The following SHANK2 variants were observed in gnomAD, a reference collection of about 807,000 sequenced individuals.
SHANK2 encodes the protein SH3 and multiple ankyrin repeat domains protein 2.
SHANK2 carries 43 observed loss-of-function variants against 133.7 expected under a neutral mutation model. That is an observed-to-expected ratio of 0.32 (90% CI 0.25 to 0.41). The LOEUF (loss-of-function observed/expected upper bound fraction) is 0.41. Among genes scored for constraint, SHANK2 ranks in the 10% least tolerant of loss-of-function variants. The pLI is 1.00. For synonymous variants in SHANK2, 1,017 were observed against 952.8 expected, an observed-to-expected ratio of 1.07 and a Z score of -1.24; for missense variants, 1,994 against 2,235.8, an observed-to-expected ratio of 0.89 and a Z score of 2.18.
rs569730886 is a variant in SHANK2 at position 70,846,058 on chromosome 11, C to T, written c.1175-25376G>A. Among the ~76,000 whole-genome samples the T allele has an allele frequency of 1.1e-4, 17 of 152,214 alleles. No homozygotes were observed. The South Asian group carries it at 2.9e-3, about 26-fold the overall frequency. ...AGCCCAGAGAGACCTGAACTGGGTC[C>T]CTGGGAAAGCGGAAGGGCAGAAAAG... is the stretch of plus-strand genomic sequence containing the variant. On this transcript the variant is annotated intron_variant, in intron 11 of 25. Coordinates refer to ENST00000601538, the MANE Select transcript of SHANK2 (RefSeq NM_012309.5).
At chr11:70,646,002 G>A (rs2061254917) in intron 17 of SHANK2, among the ~76,000 whole-genome samples, 2 of 152,174 alleles carry the variant, frequency 1.3e-5, no homozygotes, top group Admixed American at 6.5e-5. Flanking sequence ...TCACACTGCT[G>A]AGCGTGGAAG....
chr11:70,516,940 GCA>G (rs1554970215), intron 17 of SHANK2, among the ~76,000 whole-genome samples: 1 of 152,284 alleles, frequency 6.6e-6, no homozygotes. Flanking sequence ...GGGCATGGTG[GCA>G]CACATCTGTA....
At chr11:70,663,442 C>T (rs1591722599) in intron 15 of SHANK2, among the ~76,000 whole-genome samples, 1 of 152,148 alleles carries the variant, frequency 6.6e-6, no homozygotes, top group African/African-American at 2.4e-5. Flanking sequence ...GCTGGTGAGG[C>T]TCAGAGAGAT....
At chr11:71,075,521 T>C (rs950323908) in intron 8 of SHANK2, among the ~76,000 whole-genome samples, 7,671 of 152,194 alleles carry the variant, frequency 0.05, 644 homozygotes, top group African/African-American at 0.17. Context: ...TGGTGCTCAG[T>C]TGTGAGACAG....
intron 17 of SHANK2, among the ~76,000 whole-genome samples, chr11:70,656,876 T>C (rs782757701): frequency 4.6e-4 from 70 of 152,068 alleles, no homozygotes; most frequent in Non-Finnish European, 8.7e-4. Flanking sequence ...CCCAAAAGCT[T>C]AGGTAGGAGA....
chr11:70,625,500 G>T (rs1377151671), intron 17 of SHANK2, among the ~76,000 whole-genome samples: 2 of 152,104 alleles, frequency 1.3e-5, no homozygotes, highest in Admixed American at 1.3e-4. Context: ...CATACATCAG[G>T]CAGGATATTC....
At chr11:71,183,071 G>A (rs1440460880) in intron 2 of SHANK2, among the ~76,000 whole-genome samples, 5 of 152,146 alleles carry the variant, frequency 3.3e-5, no homozygotes, top group Non-Finnish European at 7.3e-5. Context: ...CAGCCAGGAG[G>A]GGAAATCTCA....
At chr11:71,176,346 CAATT>C (rs1274579477) in intron 2 of SHANK2, among the ~76,000 whole-genome samples, 3 of 152,120 alleles carry the variant, frequency 2.0e-5, no homozygotes, top group East Asian at 1.9e-4. Context: ...ATAGAAAATT[CAATT>C]AATAAAACAA....
intron 15 of SHANK2, among the ~76,000 whole-genome samples, chr11:70,671,253 C>A (rs1284535601): frequency 1.3e-5 from 2 of 152,090 alleles, no homozygotes; most frequent in African/African-American, 4.8e-5. Context: ...GCGCTCCCTG[C>A]CGAGACGAAC....
At chr11:71,197,384 G>A (rs1953927225) in intron 2 of SHANK2, among the ~76,000 whole-genome samples, 1 of 152,194 alleles carries the variant, frequency 6.6e-6, no homozygotes, top group Non-Finnish European at 1.5e-5. Context: ...GCTCAGGCCT[G>A]TTCAAAAACA....
At chr11:71,194,180 A>G (rs1334393245) in intron 2 of SHANK2, among the ~76,000 whole-genome samples, 1 of 152,102 alleles carries the variant, frequency 6.6e-6, no homozygotes, top group Non-Finnish European at 1.5e-5. Flanking sequence ...TAACCCAGGG[A>G]AAGTTTTGTG....
intron 17 of SHANK2, chr11:70,647,245 C>G (rs2061276752): frequency 6.6e-6 from 1 of 152,186 alleles, no homozygotes; most frequent in South Asian, 2.1e-4. Flanking sequence ...AAGTAAGCCC[C>G]CAGTTTTCCT....
chr11:70,510,942 C>T (rs759783489), intron 17 of SHANK2, among the ~76,000 whole-genome samples: 1 of 152,250 alleles, frequency 6.6e-6, no homozygotes, highest in African/African-American at 2.4e-5. Flanking sequence ...GCCAACCTCC[C>T]GTCGACCATG....
At chr11:71,135,156 C>T (rs1401614629) in intron 3 of SHANK2, among the ~76,000 whole-genome samples, 2 of 152,108 alleles carry the variant, frequency 1.3e-5, no homozygotes, top group East Asian at 3.9e-4. Flanking sequence ...AAGCAAAGAC[C>T]CTCTCCCATC....
At chr11:70,734,304 T>C (rs1946354256) in intron 14 of SHANK2, among the ~76,000 whole-genome samples, 1 of 152,174 alleles carries the variant, frequency 6.6e-6, no homozygotes, top group Non-Finnish European at 1.5e-5. Flanking sequence ...GAGCAGGGAT[T>C]GAACGGGCAG....
At chr11:71,176,384 G>C (rs1366460306) in intron 2 of SHANK2, among the ~76,000 whole-genome samples, 3 of 152,080 alleles carry the variant, frequency 2.0e-5, no homozygotes, top group Non-Finnish European at 4.4e-5. Flanking sequence ...CACATGCAAA[G>C]AAGAAAATAT....
rs576756209 is a variant in SHANK2 at position 70,660,294 on chromosome 11, T to C, written c.1937-342A>G. Among the ~76,000 whole-genome samples, 83 of 152,316 alleles carry C rather than the reference T, an allele frequency of 5.4e-4. No homozygotes were observed. In the Middle Eastern group the frequency reaches 0.01, roughly 19 times the overall value. ...ATTTTCGGTTCTAAAAATGGAAAAG[T>C]TCCTCCCCTGCCACACAGAGCTACA... On this transcript the variant is annotated intron_variant, in intron 16 of 25. Coordinates refer to ENST00000601538, the MANE Select transcript of SHANK2 (RefSeq NM_012309.5).
intron 17 of SHANK2, among the ~76,000 whole-genome samples, chr11:70,642,444 G>A (rs1412049662): frequency 2.0e-5 from 3 of 152,168 alleles, no homozygotes; most frequent in African/African-American, 4.8e-5. Context: ...TGGGCAGAAC[G>A]GAGCTTGCTA....
At chr11:70,729,736 T>A (rs1555031641) in intron 14 of SHANK2, among the ~76,000 whole-genome samples, 1 of 151,212 alleles carries the variant, frequency 6.6e-6, no homozygotes, top group Non-Finnish European at 1.5e-5. Context: ...GGTTTCACCA[T>A]GTTAGCCAGG....
Sources: gnomAD v4.1 joint callset for allele counts (sites outside exome capture counted in the v4.1 genomes callset) on GRCh38, gnomAD v4.1.1 for gene constraint, MANE v1.5 for transcripts, NCBI Gene and HGNC (gene_info 2026-07-23, HGNC 2026-07-21) for gene names.